NLE1: variants seen among roughly 807,000 people sequenced by gnomAD.
The protein encoded by NLE1 is notchless protein homolog 1.
NLE1 carries 37 observed loss-of-function variants against 62.8 expected under a neutral mutation model. That is an observed-to-expected ratio of 0.59 (90% CI 0.45 to 0.78). NLE1 has a LOEUF of 0.78. Ranked by LOEUF, NLE1 falls within the 30% of genes least tolerant of loss-of-function variation. The probability of loss-of-function intolerance (pLI) is 0.00; values close to 1 mark genes in which losing one functional copy is unlikely to be tolerated. For synonymous variants in NLE1, 243 were observed against 253.0 expected (o/e 0.96, Z 0.37); for missense variants, 555 against 637.9 (o/e 0.87, Z 1.40).
At chr17:35,137,317 C>G (rs530185110) in intron 6 of NLE1, 124 bp from the exon 7 acceptor site, 7 of 971,806 alleles carry the variant, frequency 7.2e-6, no homozygotes, top group Non-Finnish European at 1.1e-5. Context: ...CACCAAGACC[C>G]GGCTGCACTG....
intron 10 of NLE1, among the ~76,000 whole-genome samples, chr17:35,133,757 T>C (rs1275674869): frequency 6.6e-6 from 1 of 152,102 alleles, no homozygotes; most frequent in Non-Finnish European, 1.5e-5. Flanking sequence ...TGCACAACTT[T>C]GCATGCCTTA....
chr17:35,130,045 T>C lies in NLE1; in HGVS notation c.*2392A>G, dbSNP rs2142495822. The stretch of plus-strand genomic sequence containing the variant: ...GAACAGCCTGGGTATGGGGTAGGGG[T>C]ATGGGGGTATAGAGGCCTGAGTACA... On this transcript the variant is annotated 3_prime_UTR_variant, in exon 13 of 13. Transcript: ENST00000442241. The C allele has an allele frequency of 7.1e-7, 1 of 1,401,532 alleles. No individual in the cohort carries two copies. Among genetic ancestry groups the C allele is most frequent in the Admixed American group, 3.0e-5 (1 of 33,038 alleles). 86.8% of individuals were successfully genotyped at this position (1,401,532 alleles called of 1,614,324 possible). A position where few individuals can be genotyped will look rare whatever the true frequency, so the allele number is the denominator to read the frequency against.
At chr17:35,141,413 G>A (rs942344005) in intron 2 of NLE1, among the ~76,000 whole-genome samples, 15 of 152,084 alleles carry the variant, frequency 9.9e-5, no homozygotes, top group Admixed American at 2.0e-4. Flanking sequence ...GGGTGTGGTG[G>A]CGCGCGCCTG....
chr17:35,129,997 A>G lies in NLE1; in HGVS notation c.*2440T>C. The stretch of plus-strand genomic sequence containing the variant: ...CATTGAAAGAAATAGGGAAGACAAG[A>G]GGCTAAAGGGGGACGAAGAAGGGAA... On this transcript the variant is annotated 3_prime_UTR_variant, in exon 13 of 13. Transcript: ENST00000442241. 1 of 1,375,058 alleles carries G rather than the reference A, an allele frequency of 7.3e-7. No individual in the cohort carries two copies. Among genetic ancestry groups the G allele is most frequent in the Non-Finnish European group, 9.4e-7 (1 of 1,065,814 alleles). 85.2% of individuals were successfully genotyped at this position (1,375,058 alleles called of 1,614,324 possible). A position where few individuals can be genotyped will look rare whatever the true frequency, so the allele number is the denominator to read the frequency against.
At chr17:35,138,650 G>A (rs1057349092) in intron 4 of NLE1, among the ~76,000 whole-genome samples, 2 of 152,088 alleles carry the variant, frequency 1.3e-5, no homozygotes, top group African/African-American at 4.8e-5. Context: ...CACTGTGTTG[G>A]CGAGGCTGGT....
At chr17:35,139,802 G>A (rs767464723) in intron 3 of NLE1, 47 bp downstream of exon 3, 1 of 1,594,428 alleles carries the variant, frequency 6.3e-7, no homozygotes, top group South Asian at 1.1e-5. Flanking sequence ...ACCAGGCAAA[G>A]ACTGCACCCC....
Position 35,129,365 on chromosome 17 carries a change from A to G in NLE1, c.*3072T>C, listed in dbSNP as rs2091862299. 1.3e-6 allele frequency: 2 copies of G among 1,580,438 alleles called. No homozygotes were observed. The highest frequency in any genetic ancestry group is 1.2e-5 in the South Asian group (1 of 85,518). On this transcript the variant is annotated 3_prime_UTR_variant, in exon 13 of 13. Transcript: ENST00000442241. Reference sequence around the variant, plus strand: ...GTCCTGACCCCAGTTGGGAGGGTGAAGGGACAGGAAGGACAGGACATATCT... The same window carrying G: ...GTCCTGACCCCAGTTGGGAGGGTGAGGGGACAGGAAGGACAGGACATATCT...
chr17:35,137,714 TCCC>T, intron 5 of NLE1, 74 bp from the exon 6 acceptor site: 4 of 1,212,388 alleles, frequency 3.3e-6, no homozygotes, highest in South Asian at 1.2e-5. Flanking sequence ...GCCTACCACT[TCCC>T]ACCCAACCCT....
At position 35,130,501 on chromosome 17, in the gene NLE1, C is replaced by A; in HGVS notation, c.*1936G>T. On this transcript the variant is annotated 3_prime_UTR_variant, in exon 13 of 13. Transcript: ENST00000442241. The stretch of plus-strand genomic sequence containing the variant: ...AACCCCAGGCCCTCAGAAACCAGAG[C>A]CATGAGACCTACCATACCACCAGCA... 2 of 1,517,414 alleles carry A rather than the reference C, an allele frequency of 1.3e-6. No homozygotes were observed. The highest frequency in any genetic ancestry group is 1.2e-5 in the South Asian group (1 of 83,834). The allele number at this position is 1,517,414 out of a possible 1,614,324, so 94.0% of individuals were successfully genotyped here. A position where few individuals can be genotyped will look rare whatever the true frequency, so the allele number is the denominator to read the frequency against.
chr17:35,139,244 TG>T lies in NLE1; in HGVS notation c.450del (p.Phe150LeufsTer56), dbSNP rs765958318. 6.2e-7 allele frequency: 1 copy of T among 1,613,538 alleles called. No homozygotes were observed. Among genetic ancestry groups the T allele is most frequent in the Admixed American group, 1.7e-5 (1 of 59,996 alleles). The part of the protein sequence containing the change: ...FWDLSTETPH[F>X]TCKGHRHWVL... ...CTAATTGCATACTGACCCTTGCATG[TG>T]AAATGTGGTGTCTCTGTGCTGAGAT... On this transcript the variant is annotated frameshift_variant, in exon 4 of 13. Coordinates refer to ENST00000442241, the MANE Select transcript of NLE1 (RefSeq NM_018096.5). LOFTEE classifies it high-confidence loss of function.
chr17:35,129,556 C>G lies in NLE1; in HGVS notation c.*2881G>C. ...CATGGATCTTCAACAAGATTTTGGG[C>G]ACTACTGTCAAGCTGATGGAGCTAA... On this transcript the variant is annotated 3_prime_UTR_variant, in exon 13 of 13. Transcript: ENST00000442241. The G allele has an allele frequency of 6.2e-7, 1 of 1,614,164 alleles. No individual in the cohort carries two copies. Among genetic ancestry groups the G allele is most frequent in the Non-Finnish European group, 8.5e-7 (1 of 1,180,036 alleles).
At chr17:35,136,143 G>A in intron 9 of NLE1, 26 bp downstream of exon 9, 1 of 1,613,208 alleles carries the variant, frequency 6.2e-7, no homozygotes, top group Non-Finnish European at 8.5e-7. Flanking sequence ...CAGAGCTAGG[G>A]GTGCACGTGG....
intron 10 of NLE1, 36 bp from the exon 11 acceptor site, chr17:35,133,534 G>A: frequency 6.3e-7 from 1 of 1,575,502 alleles, no homozygotes; most frequent in Non-Finnish European, 8.6e-7. Context: ...ATTTTAGTCT[G>A]AGTTACATCT....
At chr17:35,137,235 C>A (rs10153277) in intron 6 of NLE1, 42 bp from the exon 7 acceptor site, 42,698 of 1,535,358 alleles carry the variant, frequency 0.028, 984 homozygotes, top group African/African-American at 0.12. Context: ...GACCTGGCAA[C>A]ATCTGTGTGC....
At chr17:35,137,969 A>T in intron 4 of NLE1, 79 bp from the exon 5 acceptor site, 1 of 991,632 alleles carries the variant, frequency 1.0e-6, no homozygotes, top group East Asian at 2.4e-5. Context: ...GTCAGGTGCC[A>T]GGTACTCCTT....
At chr17:35,133,273 G>A (rs2091888110) in intron 11 of NLE1, 32 bp from the exon 12 acceptor site, 1 of 1,613,932 alleles carries the variant, frequency 6.2e-7, no homozygotes, top group African/African-American at 1.3e-5. Flanking sequence ...CAGGTGGGGT[G>A]GTGAGAGGGA....
chr17:35,133,455 T>C lies in NLE1; in HGVS notation c.1258A>G (p.Ile420Val), dbSNP rs781229102. The C allele has an allele frequency of 3.2e-5, 52 of 1,613,822 alleles. No individual in the cohort carries two copies. Among genetic ancestry groups the C allele is most frequent in the Non-Finnish European group, 4.3e-5 (51 of 1,180,008 alleles). The change falls in exon 11 of 13, where the codon ATT (isoleucine) becomes GTT (valine). Residue 420 changes from isoleucine (I) to valine (V), a missense_variant. By Grantham distance (29) the Ile-to-Val change is conservative (BLOSUM62 3). Coordinates refer to ENST00000442241, the MANE Select transcript of NLE1 (RefSeq NM_018096.5). ...AGCCGACTGTCAGCTGACCACGCAA[T>C]CTGGTACACGGCAGCCACGTGGCCG... ...LRGHVAAVYQ[I>V]AWSADSRLLV... is the part of the protein sequence containing the mutation.
Position 35,131,107 on chromosome 17 carries a change from T to C in NLE1, c.*1330A>G, listed in dbSNP as rs942345588. 6.6e-6 allele frequency: 1 copy of C among 152,244 alleles called. No homozygotes were observed. The highest frequency in any genetic ancestry group is 1.5e-5 in the Non-Finnish European group (1 of 68,074). 9.4% of individuals were successfully genotyped at this position (152,244 alleles called of 1,614,324 possible). On this transcript the variant is annotated 3_prime_UTR_variant, in exon 13 of 13. Transcript: ENST00000442241. ...TAGATGTGAGGGCATGGGCTAATCA[T>C]TTCTTATGTTGTTTCCTCATCAAAA... is the stretch of plus-strand genomic sequence containing the variant.
chr17:35,138,316 G>A (rs2091921958), intron 4 of NLE1, among the ~76,000 whole-genome samples: 1 of 152,222 alleles, frequency 6.6e-6, no homozygotes, highest in Admixed American at 6.5e-5. Context: ...GTGGTCGTCA[G>A]AGCAGCAGCA....
Sources: gnomAD v4.1 joint callset for allele counts (sites outside exome capture counted in the v4.1 genomes callset) on GRCh38, gnomAD v4.1.1 for gene constraint, MANE v1.5 for transcripts, NCBI Gene and HGNC (gene_info 2026-07-23, HGNC 2026-07-21) for gene names.